CAMK1D: variants seen among roughly 807,000 people sequenced by gnomAD.
CAMK1D encodes the protein calcium/calmodulin dependent protein kinase ID.
In CAMK1D, 9 loss-of-function variants were observed where a neutral mutation model predicts 47.7. That is an observed-to-expected ratio of 0.19 (90% confidence interval 0.11 to 0.33). CAMK1D has a LOEUF of 0.33. Among genes scored for constraint, CAMK1D ranks in the 10% least tolerant of loss-of-function variants. CAMK1D has a pLI of 1.00. For synonymous variants in CAMK1D, 184 were observed against 184.9 expected (o/e 0.99, Z 0.04); for missense variants, 291 against 488.7 (o/e 0.60, Z 3.81).
At chr10:12,369,900 G>C (rs1275431137) in intron 1 of CAMK1D, among the ~76,000 whole-genome samples, 2 of 150,720 alleles carry the variant, frequency 1.3e-5, no homozygotes, top group Non-Finnish European at 2.9e-5. Context: ...AGGTTGCAGT[G>C]AGCTGAGATC....
At chr10:12,695,059 G>C (rs922573156) in intron 3 of CAMK1D, among the ~76,000 whole-genome samples, 16 of 130,580 alleles carry the variant, frequency 1.2e-4, no homozygotes, top group Middle Eastern at 4.0e-3. Context: ...TAGATAGATA[G>C]ATAGATACAT....
At chr10:12,559,460 T>C (rs1273778226) in intron 2 of CAMK1D, among the ~76,000 whole-genome samples, 1 of 152,080 alleles carries the variant, frequency 6.6e-6, no homozygotes, top group Non-Finnish European at 1.5e-5. Context: ...ACAACCACTC[T>C]CCAGCCCTTG....
intron 8 of CAMK1D, among the ~76,000 whole-genome samples, chr10:12,818,921 C>G (rs1318685743): frequency 6.6e-6 from 1 of 152,024 alleles, no homozygotes; most frequent in Non-Finnish European, 1.5e-5. Context: ...TCAAAGTATG[C>G]GACGATAAAG....
intron 2 of CAMK1D, among the ~76,000 whole-genome samples, chr10:12,580,572 A>C (rs1588657180): frequency 6.6e-6 from 1 of 152,304 alleles, no homozygotes; most frequent in East Asian, 1.9e-4. Context: ...AAGAAACTTC[A>C]CTTTGTACTT....
At chr10:12,576,450 G>A (rs1472380548) in intron 2 of CAMK1D, among the ~76,000 whole-genome samples, 2 of 152,018 alleles carry the variant, frequency 1.3e-5, no homozygotes, top group South Asian at 2.1e-4. Flanking sequence ...TACATTTATT[G>A]TGTACTTTAT....
At chr10:12,764,081 C>T (rs1836629434) in intron 4 of CAMK1D, among the ~76,000 whole-genome samples, 1 of 152,114 alleles carries the variant, frequency 6.6e-6, no homozygotes, top group African/African-American at 2.4e-5. Context: ...AGTCTTGGGC[C>T]AATTAAAAGT....
intron 2 of CAMK1D, among the ~76,000 whole-genome samples, chr10:12,606,871 G>A (rs911568953): frequency 4.6e-5 from 7 of 151,638 alleles, no homozygotes; most frequent in African/African-American, 1.2e-4. Context: ...CTCTGTCACC[G>A]GGCTGGAGTG....
In CAMK1D at chr10:12,510,566, A is replaced by G. The variant is rs1588570600; in HGVS notation, c.93-42659A>G. Among the ~76,000 whole-genome samples the G allele has an allele frequency of 2.0e-5, 3 of 152,236 alleles. No individual in the cohort carries two copies. The South Asian group carries it at 6.2e-4, about 31-fold the overall frequency. Reference sequence around the variant, plus strand: ...TCTGAGAACTGAATGTATTTTCACTACTGTGGCTGCAAGCAAGTCAGGCAG... The same window carrying G: ...TCTGAGAACTGAATGTATTTTCACTGCTGTGGCTGCAAGCAAGTCAGGCAG... On this transcript the variant is annotated intron_variant, in intron 1 of 10. Transcript: ENST00000619168.
chr10:12,705,581 T>C (rs534080224), intron 3 of CAMK1D, among the ~76,000 whole-genome samples: 1 of 152,370 alleles, frequency 6.6e-6, no homozygotes, highest in East Asian at 1.9e-4. Flanking sequence ...TCGTATAAAG[T>C]ATGCTGGTTC....
intron 2 of CAMK1D, among the ~76,000 whole-genome samples, chr10:12,567,200 G>A (rs1837152155): frequency 1.3e-5 from 2 of 152,226 alleles, no homozygotes; most frequent in Non-Finnish European, 2.9e-5. Context: ...ACTCTGGTGT[G>A]AGGTCATAAT....
intron 1 of CAMK1D, among the ~76,000 whole-genome samples, chr10:12,376,697 C>T (rs1351309983): frequency 2.6e-5 from 4 of 152,108 alleles, no homozygotes; most frequent in East Asian, 1.9e-4. Flanking sequence ...TGCTCACACT[C>T]CTGAGAAACC....
intron 2 of CAMK1D, among the ~76,000 whole-genome samples, chr10:12,627,343 C>G (rs1016630653): frequency 6.6e-6 from 1 of 152,072 alleles, no homozygotes; most frequent in East Asian, 1.9e-4. Context: ...CCTCTGCCTC[C>G]CAAAGTGCTG....
intron 3 of CAMK1D, among the ~76,000 whole-genome samples, chr10:12,717,891 C>CAAAAAAAAAAA (rs1181845465): frequency 3.8e-5 from 2 of 52,890 alleles, no homozygotes; most frequent in Admixed American, 2.1e-4. Flanking sequence ...GAGACCCTGT[C>CAAAAAAAAAAA]AAAAAAAAAA....
chr10:12,575,928 A>G (rs749898195), intron 2 of CAMK1D, among the ~76,000 whole-genome samples: 2 of 152,238 alleles, frequency 1.3e-5, no homozygotes, highest in African/African-American at 2.4e-5. Context: ...TGCAAGCGCA[A>G]GCACACAAGA....
chr10:12,470,929 C>T (rs1421556226), intron 1 of CAMK1D, among the ~76,000 whole-genome samples: 3 of 152,104 alleles, frequency 2.0e-5, no homozygotes, highest in Admixed American at 6.6e-5. Context: ...TACGTGCGTG[C>T]GTGCGTGTGT....
chr10:12,367,151 G>A (rs1837860879), intron 1 of CAMK1D, among the ~76,000 whole-genome samples: 1 of 152,188 alleles, frequency 6.6e-6, no homozygotes, highest in Non-Finnish European at 1.5e-5. Flanking sequence ...ATATCCAAGT[G>A]TGGCTGACTC....
chr10:12,361,852 G>A (rs1450965313), intron 1 of CAMK1D, among the ~76,000 whole-genome samples: 2 of 152,024 alleles, frequency 1.3e-5, no homozygotes, highest in Non-Finnish European at 2.9e-5. Context: ...CACCGCTCCT[G>A]GCCTATTTGA....
intron 1 of CAMK1D, among the ~76,000 whole-genome samples, chr10:12,384,119 AATAAG>A (rs1446020871): frequency 1.3e-5 from 2 of 152,252 alleles, no homozygotes; most frequent in Non-Finnish European, 2.9e-5. Flanking sequence ...CATCAATAAG[AATAAG>A]ATATTTAGGA....
intron 1 of CAMK1D, among the ~76,000 whole-genome samples, chr10:12,429,749 G>T (rs1478117768): frequency 6.6e-6 from 1 of 152,170 alleles, no homozygotes; most frequent in Non-Finnish European, 1.5e-5. Flanking sequence ...CTAAGTTCAG[G>T]TTCGAGGTGG....
Sources: allele counts gnomAD v4.1 joint callset (sites outside exome capture counted in the v4.1 genomes callset), GRCh38; gene constraint gnomAD v4.1.1; transcripts MANE v1.5; gene names NCBI Gene and HGNC (gene_info 2026-07-23, HGNC 2026-07-21).